Variants in ADAMTSL3 observed in about 807,000 individuals in gnomAD.
ADAMTSL3 encodes ADAMTS like 3, also known as ADAMTS-like protein 3.
Under a neutral mutation model 201.7 loss-of-function variants are expected in ADAMTSL3, and 128 were observed. The observed-to-expected ratio is 0.63, with a 90% CI of 0.55 to 0.73. The LOEUF (loss-of-function observed/expected upper bound fraction) is 0.73, where lower values mean the gene tolerates loss of function less well. ADAMTSL3 is among the 30% of genes least tolerant of loss of function. ADAMTSL3 has a pLI of 0.00. For missense variants in ADAMTSL3, 1,990 were observed against 2,119.6 expected (o/e 0.94, Z 1.20); for synonymous variants, 738 against 748.4 (o/e 0.99, Z 0.23).
chr15:83,733,678 A>G (rs2062320801), intron 3 of ADAMTSL3, among the ~76,000 whole-genome samples: 1 of 152,156 alleles, frequency 6.6e-6, no homozygotes, highest in Non-Finnish European at 1.5e-5. Context: ...AAGCTCTCTC[A>G]TTGTCTGAAG....
At chr15:84,002,936 CTTTTTTTTTTTTT>C (rs368176543) in intron 23 of ADAMTSL3, among the ~76,000 whole-genome samples, 1 of 99,986 alleles carries the variant, frequency 1.0e-5, no homozygotes, top group Admixed American at 1.3e-4. Context: ...CTTTTCTTTT[CTTTTTTTTTTTTT>C]TTTTTTGGCT....
intron 2 of ADAMTSL3, among the ~76,000 whole-genome samples, chr15:83,658,681 T>C (rs968367312): frequency 6.6e-6 from 1 of 152,238 alleles, no homozygotes; most frequent in Non-Finnish European, 1.5e-5. Flanking sequence ...CAGCAGCTGC[T>C]GTTCCTACTC....
chr15:83,697,854 G>A (rs142703179), intron 2 of ADAMTSL3, among the ~76,000 whole-genome samples: 29 of 152,166 alleles, frequency 1.9e-4, no homozygotes, highest in African/African-American at 6.5e-4. Context: ...TTGGGGGTGA[G>A]GACTGAAAGT....
At chr15:83,933,167 G>C (rs1367957772) in intron 17 of ADAMTSL3, among the ~76,000 whole-genome samples, 1 of 152,094 alleles carries the variant, frequency 6.6e-6, no homozygotes, top group Non-Finnish European at 1.5e-5. Context: ...CAGGTAAAAT[G>C]GAAGAGAGAG....
rs540208053 is a variant in ADAMTSL3, at chr15:83,786,983, T to C, written c.317+13333T>C. On this transcript the variant is annotated intron_variant, in intron 4 of 29. Transcript: ENST00000286744. ...GTGATGAGGACCCAAATAGCATTTA[T>C]TGAAGGAGTAAATAAATGAGTGTGT... 4.6e-5 allele frequency among the ~76,000 whole-genome samples: 7 copies of C among 152,328 alleles called. No individual in the cohort carries two copies. The East Asian group carries it at 5.8e-4, about 13-fold the overall frequency.
chr15:83,952,216 T>C (rs907056421), intron 19 of ADAMTSL3, among the ~76,000 whole-genome samples: 1 of 152,214 alleles, frequency 6.6e-6, no homozygotes, highest in Non-Finnish European at 1.5e-5. Flanking sequence ...ATTGACCCAC[T>C]TGTCATTCAG....
At chr15:83,669,975 G>A (rs969444956) in intron 2 of ADAMTSL3, among the ~76,000 whole-genome samples, 1 of 151,438 alleles carries the variant, frequency 6.6e-6, no homozygotes, top group Non-Finnish European at 1.5e-5. Context: ...TACAACATAG[G>A]GGCTGAGCAT....
intron 23 of ADAMTSL3, among the ~76,000 whole-genome samples, chr15:84,001,503 G>A (rs1440367970): frequency 6.6e-6 from 1 of 152,238 alleles, no homozygotes; most frequent in Non-Finnish European, 1.5e-5. Context: ...TGTACCTAAT[G>A]AGTGTGTATA....
intron 11 of ADAMTSL3, chr15:83,890,960 A>C (rs561700522): frequency 6.0e-6 from 1 of 166,548 alleles, no homozygotes; most frequent in East Asian, 1.7e-4. Flanking sequence ...AAATTCTGTG[A>C]AATAAAGTGG....
intron 15 of ADAMTSL3, among the ~76,000 whole-genome samples, chr15:83,900,459 G>T (rs1468059883): frequency 6.6e-6 from 1 of 152,256 alleles, no homozygotes; most frequent in Non-Finnish European, 1.5e-5. Context: ...GAGATTTCTA[G>T]TCCAGGAATC....
Position 83,742,104 on chromosome 15 carries a change from C to T in ADAMTSL3, c.190-31419C>T, listed in dbSNP as rs79939764. Among the ~76,000 whole-genome samples, 1,374 of 152,228 alleles carry T rather than the reference C, an allele frequency of 9.0e-3. 19 individuals carry two copies. Among genetic ancestry groups the T allele is most frequent in the African/African-American group, 0.03 (1,265 of 41,526 alleles). ...TATATATTAATTCACAAGGAAAAGT[C>T]AGTAAATTTCTCATATAAGAGATAT... On this transcript the variant is annotated intron_variant, in intron 3 of 29. Coordinates refer to ENST00000286744, the MANE Select transcript of ADAMTSL3 (RefSeq NM_207517.3).
At chr15:83,697,523 G>GCTTT (rs2061702404) in intron 2 of ADAMTSL3, among the ~76,000 whole-genome samples, 3 of 152,266 alleles carry the variant, frequency 2.0e-5, no homozygotes, top group Middle Eastern at 6.8e-3. Context: ...CCTCTCCTTG[G>GCTTT]CTTTGACTAA....
intron 2 of ADAMTSL3, among the ~76,000 whole-genome samples, chr15:83,678,999 A>G (rs2585061): frequency 0.85 from 127,086 of 149,690 alleles, 54,375 homozygotes; most frequent in East Asian, 0.96. Context: ...CATAGGCCTC[A>G]GATGTTCTGT....
intron 16 of ADAMTSL3, among the ~76,000 whole-genome samples, chr15:83,921,404 T>C (rs1350921524): frequency 6.6e-6 from 1 of 152,218 alleles, no homozygotes; most frequent in Non-Finnish European, 1.5e-5. Flanking sequence ...ACACAAATTA[T>C]TTTTCCTTAT....
chr15:83,852,596 T>C (rs959971463), intron 7 of ADAMTSL3, among the ~76,000 whole-genome samples: 1 of 152,206 alleles, frequency 6.6e-6, no homozygotes, highest in African/African-American at 2.4e-5. Flanking sequence ...CATAATCTTC[T>C]TGACATTTTG....
rs770387381 is a variant in ADAMTSL3, at chr15:83,913,252, C to T, written c.1861C>T (p.Leu621Phe). The change falls in exon 16 of 30, where the codon CTC (leucine) becomes TTC (phenylalanine). Residue 621 changes from leucine (L) to phenylalanine (F), a missense_variant. Coordinates refer to ENST00000286744, the MANE Select transcript of ADAMTSL3 (RefSeq NM_207517.3). ...CAAGCTGCCCACCGAACGGCCCTGC[C>T]TCCTGGAAGCATGTGATGAGAGCCC... Reference protein sequence around the residue: ...GPKLPTERPCLLEACDESPAS... With the variant: ...GPKLPTERPCFLEACDESPAS... The T allele has an allele frequency of 5.6e-6, 9 of 1,614,002 alleles. No individual in the cohort carries two copies. Among genetic ancestry groups the T allele is most frequent in the Non-Finnish European group, 4.2e-6 (5 of 1,180,030 alleles).
intron 15 of ADAMTSL3, among the ~76,000 whole-genome samples, chr15:83,901,283 T>C (rs1359554462): frequency 1.3e-5 from 2 of 151,770 alleles, no homozygotes; most frequent in Non-Finnish European, 2.9e-5. Flanking sequence ...AGGAAGATGG[T>C]AAGGGAGTAA....
chr15:83,673,605 C>A (rs759883816), intron 2 of ADAMTSL3, among the ~76,000 whole-genome samples: 2 of 152,150 alleles, frequency 1.3e-5, no homozygotes, highest in Non-Finnish European at 2.9e-5. Flanking sequence ...TAGATGTTAA[C>A]AGTTTTTTTT....
At chr15:83,847,378 G>C (rs1405542830) in intron 7 of ADAMTSL3, among the ~76,000 whole-genome samples, 1 of 151,630 alleles carries the variant, frequency 6.6e-6, no homozygotes, top group Non-Finnish European at 1.5e-5. Flanking sequence ...TCCTTTTTTC[G>C]CCTTCCAAAA....
Sources: gnomAD v4.1 joint callset for allele counts (sites outside exome capture counted in the v4.1 genomes callset) on GRCh38, gnomAD v4.1.1 for gene constraint, MANE v1.5 for transcripts, NCBI Gene and HGNC (gene_info 2026-07-23, HGNC 2026-07-21) for gene names.